Variants in DCP2 observed in about 807,000 individuals in gnomAD.
DCP2 encodes the protein decapping mRNA 2.
In DCP2, 30 loss-of-function variants were observed where a neutral mutation model predicts 56.1. The observed-to-expected ratio is 0.53, with a 90% CI of 0.40 to 0.73. The LOEUF (loss-of-function observed/expected upper bound fraction) is 0.73, where lower values mean the gene tolerates loss of function less well. DCP2 is among the 30% of genes least tolerant of loss of function. The pLI is 0.00. For missense variants in DCP2, 533 were observed against 502.7 expected (o/e 1.06, Z -0.58); for synonymous variants, 197 against 163.3 (o/e 1.21, Z -1.57).
chr5:112,980,181 G>A (rs1259684307), intron 1 of DCP2, among the ~76,000 whole-genome samples: 1 of 152,126 alleles, frequency 6.6e-6, no homozygotes, highest in Non-Finnish European at 1.5e-5. Context: ...GCTTATTAAA[G>A]AATTGAAAAG....
At chr5:112,991,855 G>A (rs1392345834) in intron 2 of DCP2, among the ~76,000 whole-genome samples, 1 of 152,180 alleles carries the variant, frequency 6.6e-6, no homozygotes, top group Non-Finnish European at 1.5e-5. Flanking sequence ...CTTGATTTGT[G>A]TGTAGGCTAC....
chr5:112,992,555 C>T (rs1004243223), intron 3 of DCP2, 117 bp from the exon 4 acceptor site: 9 of 781,364 alleles, frequency 1.2e-5, no homozygotes, highest in Non-Finnish European at 1.8e-5. Context: ...AGAAAATACT[C>T]TGTAAAATTA....
rs773215415 is a variant in DCP2, at chr5:113,010,757, A to G, written c.1049A>G (p.Lys350Arg). 5.7e-6 allele frequency: 9 copies of G among 1,583,174 alleles called. No individual in the cohort carries two copies. Among genetic ancestry groups the G allele is most frequent in the Non-Finnish European group, 5.1e-6 (6 of 1,172,030 alleles). Reference protein sequence around the residue: ...QPAKQQNSLMKCEKKLHPRKL... With the variant: ...QPAKQQNSLMRCEKKLHPRKL... ...TGTGTTTTTTTTTTTTTTAAATAGA[A>G]GTGTGAAAAGAAACTTCATCCACGG... The change falls in exon 10 of 11, where the codon AAG becomes AGG. Residue 350 changes from lysine to arginine, a missense_variant and splice_region_variant. By Grantham distance (26) the Lys-to-Arg change is conservative (BLOSUM62 2). Around this residue, in one of 3 missense-constraint regions of DCP2, gnomAD observed 392 missense variants for 346.6 expected, o/e 1.13. Transcript: ENST00000389063.
chr5:112,989,406 T>G (rs1016151978), intron 2 of DCP2, among the ~76,000 whole-genome samples: 2 of 151,094 alleles, frequency 1.3e-5, no homozygotes, highest in East Asian at 3.9e-4. Flanking sequence ...AATGTTAATG[T>G]AATAAATGTT....
At chr5:113,000,420 A>ACACACACACC (rs112449298) in intron 4 of DCP2, among the ~76,000 whole-genome samples, 14,671 of 146,652 alleles carry the variant, frequency 0.1, 869 homozygotes, top group Non-Finnish European at 0.11. Context: ...ACACACACAC[A>ACACACACACC]CACACCCACA....
At chr5:113,005,398 A>T (rs1194061481) in intron 8 of DCP2, among the ~76,000 whole-genome samples, 1 of 152,354 alleles carries the variant, frequency 6.6e-6, no homozygotes, top group African/African-American at 2.4e-5. Flanking sequence ...ATGGCTCAAC[A>T]TTATTAATCA....
At chr5:113,008,276 A>G in intron 9 of DCP2, 1 of 381,324 alleles carries the variant, frequency 2.6e-6, no homozygotes, top group Non-Finnish European at 4.7e-6. Flanking sequence ...GTGGCTGTTT[A>G]TTTTAATATC....
rs1749924223 is a variant in DCP2 at position 113,017,184 on chromosome 5, TTATAG to T, written c.*3703_*3707del. The T allele has an allele frequency of 6.6e-6, 1 of 152,218 alleles. No homozygotes were observed. Among genetic ancestry groups the T allele is most frequent in the Non-Finnish European group, 1.5e-5 (1 of 68,042 alleles). 9.4% of individuals were successfully genotyped at this position (152,218 alleles called of 1,614,324 possible). ...TATTTTCTTTGTATGTTAATCATAG[TTATAG>T]TAAAGTCAGACTCATTAACTTTTCT... is the stretch of plus-strand genomic sequence containing the variant. On this transcript the variant is annotated 3_prime_UTR_variant, in exon 11 of 11. Transcript: ENST00000389063.
intron 3 of DCP2, 138 bp downstream of exon 3, chr5:112,992,386 A>G (rs370592505): frequency 8.5e-7 from 1 of 1,181,610 alleles, no homozygotes; most frequent in African/African-American, 1.6e-5. Flanking sequence ...CAAGCTTTGT[A>G]TATTTTATCC....
chr5:112,993,672 T>C (rs942126749), intron 4 of DCP2, among the ~76,000 whole-genome samples: 6 of 151,654 alleles, frequency 4.0e-5, no homozygotes, highest in Non-Finnish European at 8.8e-5. Flanking sequence ...TTTTTTACTG[T>C]TATTTTCCTA....
At chr5:113,001,522 T>G (rs377670849) in intron 6 of DCP2, 45 bp from the exon 7 acceptor site, 10 of 1,607,454 alleles carry the variant, frequency 6.2e-6, no homozygotes, top group Non-Finnish European at 7.7e-6. Context: ...AGTCATCTTC[T>G]GTCTGTAGCC....
At chr5:113,010,620 G>A in intron 9 of DCP2, 136 bp from the exon 10 acceptor site, 1 of 1,038,050 alleles carries the variant, frequency 9.6e-7, no homozygotes, top group Non-Finnish European at 1.3e-6. Context: ...GTGAGAGAAT[G>A]GGATGATGAT....
chr5:113,007,996 A>G lies in DCP2; in HGVS notation c.1001A>G (p.Lys334Arg). ...KQYQDSPNQK[K>R]RTNGLQPAKQ... ...TATCAAGATTCACCTAATCAAAAGA[A>G]AAGAACAAATGGGCTTCAGCCAGCA... Residue 334 changes from lysine (K) to arginine (R), a missense_variant, in exon 9 of 11, where the codon AAA (lysine) becomes AGA (arginine). Coordinates refer to ENST00000389063, the MANE Select transcript of DCP2 (RefSeq NM_152624.6). 6.2e-7 allele frequency: 1 copy of G among 1,614,122 alleles called. No individual in the cohort carries two copies. The highest frequency in any genetic ancestry group is 8.5e-7 in the Non-Finnish European group (1 of 1,179,974).
chr5:113,000,730 G>A (rs1349595476), intron 4 of DCP2, among the ~76,000 whole-genome samples: 4 of 152,104 alleles, frequency 2.6e-5, no homozygotes, highest in Non-Finnish European at 5.9e-5. Flanking sequence ...CTTACCTTCT[G>A]TATATAAATG....
chr5:112,999,420 T>C (rs1004672590), intron 4 of DCP2, among the ~76,000 whole-genome samples: 2 of 151,966 alleles, frequency 1.3e-5, no homozygotes, highest in Non-Finnish European at 2.9e-5. Context: ...CTCCATTTCC[T>C]GGGGTTCAAG....
rs968636142 is a variant in DCP2 at position 113,016,847 on chromosome 5, T to TC, written c.*3363_*3364insC. The TC allele has an allele frequency of 6.6e-6, 1 of 150,424 alleles. No individual in the cohort carries two copies. The highest frequency in any genetic ancestry group is 1.5e-5 in the Non-Finnish European group (1 of 67,606). The allele number at this position is 150,424 out of a possible 1,614,324, so 9.3% of individuals were successfully genotyped here. On this transcript the variant is annotated 3_prime_UTR_variant, in exon 11 of 11. Transcript: ENST00000389063. ...ACCACAATACCCTCTTGGCTTTTTT[T>TC]TTTTTTTTTTTGAGATGGAGTTTCA...
intron 9 of DCP2, among the ~76,000 whole-genome samples, chr5:113,009,770 C>T (rs1561704771): frequency 6.6e-6 from 1 of 152,128 alleles, no homozygotes; most frequent in Non-Finnish European, 1.5e-5. Flanking sequence ...TTTTTAAAGA[C>T]TATCAGACAC....
chr5:112,996,631 G>T (rs1175755155), intron 4 of DCP2, among the ~76,000 whole-genome samples: 4 of 152,210 alleles, frequency 2.6e-5, no homozygotes, highest in African/African-American at 9.6e-5. Context: ...GCCTAAAGCA[G>T]CAGTGGCAGA....
rs1750029220 is a variant in DCP2, at chr5:113,019,752, C to T, written c.*6268C>T. The T allele has an allele frequency of 6.6e-6, 1 of 152,070 alleles. No individual in the cohort carries two copies. The highest frequency in any genetic ancestry group is 2.4e-5 in the African/African-American group (1 of 41,402). 9.4% of individuals were successfully genotyped at this position (152,070 alleles called of 1,614,324 possible). On this transcript the variant is annotated 3_prime_UTR_variant, in exon 11 of 11. Coordinates refer to ENST00000389063, the MANE Select transcript of DCP2 (RefSeq NM_152624.6). ...CCTTATAGTACTTTTAAAAAATCAT[C>T]CTTGGTAATTATTGACTTATCCTAG...
Sources: gnomAD v4.1 joint callset for allele counts (sites outside exome capture counted in the v4.1 genomes callset) on GRCh38, gnomAD v4.1.1 for gene constraint, gnomAD v4.1.1 regional missense constraint, MANE v1.5 for transcripts, NCBI Gene and HGNC (gene_info 2026-07-23, HGNC 2026-07-21) for gene names.